The following TRIM36 variants were observed in gnomAD, a reference collection of about 807,000 sequenced individuals.
The protein encoded by TRIM36 is E3 ubiquitin-protein ligase TRIM36.
TRIM36 carries 42 observed loss-of-function variants against 72.4 expected under a neutral mutation model. That is an observed-to-expected ratio of 0.58 (90% CI 0.45 to 0.75). The LOEUF (loss-of-function observed/expected upper bound fraction) is 0.75, where lower values mean the gene tolerates loss of function less well. TRIM36 is among the 30% of genes least tolerant of loss of function. TRIM36 has a pLI of 0.00. For missense variants in TRIM36, 913 were observed against 857.1 expected (o/e 1.07, Z -0.81); for synonymous variants, 315 against 282.8 (o/e 1.11, Z -1.14).
intron 2 of TRIM36, among the ~76,000 whole-genome samples, chr5:115,159,486 C>T (rs1200689571): frequency 6.6e-6 from 1 of 152,144 alleles, no homozygotes; most frequent in Non-Finnish European, 1.5e-5. Flanking sequence ...AAATTTAGTC[C>T]TGTTGACCTT....
chr5:115,143,674 C>T (rs1753409009), intron 4 of TRIM36, among the ~76,000 whole-genome samples: 2 of 152,078 alleles, frequency 1.3e-5, no homozygotes, highest in East Asian at 1.9e-4. Flanking sequence ...CAAAAAAATG[C>T]ATACACATAC....
At position 115,138,847 on chromosome 5, in the gene TRIM36, G is replaced by C. The variant is rs552713298; in HGVS notation, c.832-1231C>G. ...TTCTTTTTTTTTGAGACAGAGTCTC[G>C]CTCTGTCGCCCAGGCTGTAGTGCAG... On this transcript the variant is annotated intron_variant, in intron 5 of 9. Transcript: ENST00000513154. Among the ~76,000 whole-genome samples the C allele has an allele frequency of 1.2e-3, 178 of 152,150 alleles. 2 individuals are homozygous for C. The highest frequency in any genetic ancestry group is 4.0e-3 in the African/African-American group (167 of 41,516).
Position 115,137,074 on chromosome 5 carries a change from G to C in TRIM36, c.1136C>G (p.Thr379Ser). 6.2e-7 allele frequency: 1 copy of C among 1,611,464 alleles called. No individual in the cohort carries two copies. Among genetic ancestry groups the C allele is most frequent in the Non-Finnish European group, 8.5e-7 (1 of 1,179,232 alleles). ...ATTAACAACATAGTCTTCAAAAGAA[G>C]TCTGAGCTGCAGGTCTAAAGCTCTT... ...SLKSFRPAAQ[T>S]SFEDYVVNTS... The change falls in exon 7 of 10, where the codon ACT (threonine) becomes AGT (serine). Residue 379 changes from threonine (T) to serine (S), a missense_variant. Physicochemically the swap from Thr to Ser is moderately conservative, Grantham distance 58 (BLOSUM62 1). Coordinates refer to ENST00000513154, the MANE Select transcript of TRIM36 (RefSeq NM_001300759.2).
intron 4 of TRIM36, among the ~76,000 whole-genome samples, chr5:115,143,243 A>C (rs967149653): frequency 2.9e-4 from 43 of 149,822 alleles, no homozygotes; most frequent in African/African-American, 7.5e-4. Context: ...AAAAAAAAAA[A>C]AAAAAACAAA....
At chr5:115,136,969 G>A in intron 7 of TRIM36, 31 bp downstream of exon 7, 1 of 1,536,008 alleles carries the variant, frequency 6.5e-7, no homozygotes, top group Non-Finnish European at 8.7e-7. Context: ...CAGACAAAAA[G>A]AATGAGGTTT....
chr5:115,157,830 G>A (rs1754263094), intron 2 of TRIM36, among the ~76,000 whole-genome samples: 1 of 152,152 alleles, frequency 6.6e-6, no homozygotes, highest in Non-Finnish European at 1.5e-5. Flanking sequence ...CGATGAGACT[G>A]GAGACTATTA....
chr5:115,151,008 T>C (rs1753861512), intron 2 of TRIM36, among the ~76,000 whole-genome samples: 1 of 152,084 alleles, frequency 6.6e-6, no homozygotes, highest in Non-Finnish European at 1.5e-5. Context: ...TTGTAACAAT[T>C]TGAACTGATG....
intron 2 of TRIM36, among the ~76,000 whole-genome samples, chr5:115,161,974 C>T (rs1434059843): frequency 1.3e-5 from 2 of 152,120 alleles, no homozygotes; most frequent in Non-Finnish European, 2.9e-5. Context: ...ATACTTAGCC[C>T]ATTTCATTTC....
intron 2 of TRIM36, among the ~76,000 whole-genome samples, chr5:115,154,854 T>C (rs1754089494): frequency 6.6e-6 from 1 of 151,972 alleles, no homozygotes; most frequent in Non-Finnish European, 1.5e-5. Flanking sequence ...ATCACCCTAA[T>C]ACCAAAACCA....
At chr5:115,145,326 A>G (rs1753526174) in intron 3 of TRIM36, among the ~76,000 whole-genome samples, 1 of 152,200 alleles carries the variant, frequency 6.6e-6, no homozygotes, top group Non-Finnish European at 1.5e-5. Context: ...CTTTTTATTT[A>G]CTTTGTAAAC....
chr5:115,137,465 T>C lies in TRIM36; in HGVS notation c.983A>G (p.Gln328Arg). 6.2e-7 allele frequency: 1 copy of C among 1,614,178 alleles called. No individual in the cohort carries two copies. The highest frequency in any genetic ancestry group is 8.5e-7 in the Non-Finnish European group (1 of 1,180,008). Reference protein sequence around the residue: ...DKFQTQMEEYQGLLENNGLVG... With the variant: ...DKFQTQMEEYRGLLENNGLVG... ...AAGTCCATTGTTCTCTAGAAGTCCC[T>C]GGTACTCTTCCATTTGAGTCTGAAA... is the stretch of plus-strand genomic sequence containing the variant. Residue 328 changes from glutamine (Q) to arginine (R), a missense_variant, in exon 6 of 10, where the codon CAG becomes CGG. Gln to Arg is a conservative substitution (Grantham distance 43). Coordinates refer to ENST00000513154, the MANE Select transcript of TRIM36 (RefSeq NM_001300759.2).
chr5:115,156,377 G>T (rs995602238), intron 2 of TRIM36, among the ~76,000 whole-genome samples: 3 of 151,898 alleles, frequency 2.0e-5, no homozygotes, highest in African/African-American at 4.8e-5. Context: ...TAAGCAAAAA[G>T]AACAAATCTG....
At chr5:115,164,689 C>T (rs1324094238) in intron 1 of TRIM36, among the ~76,000 whole-genome samples, 1 of 152,204 alleles carries the variant, frequency 6.6e-6, no homozygotes, top group African/African-American at 2.4e-5. Context: ...TTGAACCTAA[C>T]CATATCATTG....
intron 1 of TRIM36, 103 bp from the exon 2 acceptor site, chr5:115,163,855 T>G: frequency 1.0e-6 from 1 of 972,556 alleles, no homozygotes; most frequent in Non-Finnish European, 1.5e-6. Flanking sequence ...CCAAAAAGAA[T>G]TAAGAAAATG....
intron 4 of TRIM36, among the ~76,000 whole-genome samples, chr5:115,142,864 G>T (rs943549453): frequency 7.9e-5 from 12 of 152,110 alleles, no homozygotes; most frequent in African/African-American, 2.7e-4. Flanking sequence ...ATTTCTCAGG[G>T]ACTTCAAAAC....
chr5:115,148,118 A>C (rs898319947), intron 2 of TRIM36, among the ~76,000 whole-genome samples: 1 of 152,226 alleles, frequency 6.6e-6, no homozygotes, highest in Non-Finnish European at 1.5e-5. Flanking sequence ...CCTATAATTT[A>C]GTGATTTTTA....
chr5:115,132,822 A>G (rs994698746), intron 8 of TRIM36, among the ~76,000 whole-genome samples: 1 of 152,162 alleles, frequency 6.6e-6, no homozygotes. Flanking sequence ...TTTTTCTTCC[A>G]CTTTCAGGCA....
intron 2 of TRIM36, among the ~76,000 whole-genome samples, chr5:115,157,551 C>G (rs769970196): frequency 1.3e-5 from 2 of 151,662 alleles, no homozygotes; most frequent in South Asian, 2.1e-4. Flanking sequence ...GCGACAACAG[C>G]GAAACTCTAT....
chr5:115,144,712 T>C lies in TRIM36; in HGVS notation c.621A>G (p.Arg207=). The change falls in exon 4 of 10, where the codon AGA becomes AGG. Residue 207 remains arginine, a synonymous_variant. Transcript: ENST00000513154. ...TACATAATTCACAGTACATGTTTAT[T>C]CTCTCTGTTTCATGTTCTGGGCACA... ...ILMCPEHETE[R]INMYCELCRR... 6.2e-7 allele frequency: 1 copy of C among 1,614,032 alleles called. No homozygotes were observed. Among genetic ancestry groups the C allele is most frequent in the Non-Finnish European group, 8.5e-7 (1 of 1,179,994 alleles).
Sources: gnomAD v4.1 joint callset for allele counts (sites outside exome capture counted in the v4.1 genomes callset) on GRCh38, gnomAD v4.1.1 for gene constraint, MANE v1.5 for transcripts, NCBI Gene and HGNC (gene_info 2026-07-23, HGNC 2026-07-21) for gene names.